Variants in SAXO1 observed in about 807,000 individuals in gnomAD.
SAXO1 encodes the protein 4930500O09Rik.
In SAXO1, 21 loss-of-function variants were observed where a neutral mutation model predicts 17.5. The ratio of observed to expected loss-of-function variants is 1.20; its 90% CI spans 0.85 to 1.72. The LOEUF (loss-of-function observed/expected upper bound fraction) is 1.72. Ranked by LOEUF, SAXO1 falls within the 40% of genes most tolerant of loss-of-function variation. SAXO1 has a pLI of 0.00. For synonymous variants in SAXO1, 274 were observed against 216.5 expected (o/e 1.27, Z -2.33); for missense variants, 843 against 596.0 (o/e 1.41, Z -4.32).
At chr9:19,026,937 G>A in intron 1 of SAXO1, 1 of 847,068 alleles carries the variant, frequency 1.2e-6, no homozygotes, top group South Asian at 1.3e-5. Flanking sequence ...AACTGGGGTG[G>A]AGGTGCTCAA....
At chr9:18,965,603 A>G (rs758883379) in intron 1 of SAXO1, among the ~76,000 whole-genome samples, 2 of 150,678 alleles carry the variant, frequency 1.3e-5, no homozygotes, top group African/African-American at 2.5e-5. Flanking sequence ...TGCTTGGTAT[A>G]TCTTCCTCCG....
chr9:19,021,780 C>A (rs538380370), intron 1 of SAXO1, among the ~76,000 whole-genome samples: 15 of 151,894 alleles, frequency 9.9e-5, no homozygotes, highest in African/African-American at 3.4e-4. Context: ...TAAAACTGCA[C>A]CAGTCAGCAA....
chr9:18,945,162 C>A (rs1266894944), intron 2 of SAXO1, among the ~76,000 whole-genome samples: 4 of 152,182 alleles, frequency 2.6e-5, no homozygotes, highest in African/African-American at 9.7e-5. Flanking sequence ...CTTCTGTCTT[C>A]CAGAAAGTGT....
Position 19,020,022 on chromosome 9 carries a change from T to TAA in SAXO1, c.38+12847_38+12848dup, listed in dbSNP as rs368560199. 2.1e-3 allele frequency among the ~76,000 whole-genome samples: 300 copies of TAA among 141,356 alleles called. 3 individuals are homozygous for TAA. The highest frequency in any genetic ancestry group is 9.8e-3 in the South Asian group (42 of 4,306). The allele number at this position is 141,356 out of a possible 152,430, so 92.7% of individuals were successfully genotyped here. A position where few individuals can be genotyped will look rare whatever the true frequency, so the allele number is the denominator to read the frequency against. On this transcript the variant is annotated intron_variant, in intron 1 of 3. Transcript: ENST00000380534. ...CATCCTGGTCACCAGCAGGTATTAT[T>TAA]AAAAAAAAAAAAAAAAGTGTCCACG...
intron 1 of SAXO1, among the ~76,000 whole-genome samples, chr9:18,988,493 T>C (rs1432766620): frequency 6.6e-6 from 1 of 152,206 alleles, no homozygotes; most frequent in African/African-American, 2.4e-5. Flanking sequence ...TGTTAAGCTA[T>C]ATGCACAAGG....
intron 1 of SAXO1, among the ~76,000 whole-genome samples, chr9:18,957,106 T>G (rs1054780552): frequency 6.6e-6 from 1 of 152,224 alleles, no homozygotes; most frequent in African/African-American, 2.4e-5. Context: ...ATAGTATGTC[T>G]GCCCTTCCAA....
At chr9:19,020,597 G>T (rs1434018811) in intron 1 of SAXO1, among the ~76,000 whole-genome samples, 1 of 152,120 alleles carries the variant, frequency 6.6e-6, no homozygotes, top group Non-Finnish European at 1.5e-5. Flanking sequence ...GGGCTCAAGT[G>T]ATTTGCCCAC....
At chr9:19,024,682 C>A (rs1311537481) in intron 1 of SAXO1, among the ~76,000 whole-genome samples, 1 of 152,082 alleles carries the variant, frequency 6.6e-6, no homozygotes, top group Non-Finnish European at 1.5e-5. Context: ...ACTTCTCCAT[C>A]CTAAAGCCTT....
At chr9:19,011,554 C>G (rs1426295380) in intron 1 of SAXO1, among the ~76,000 whole-genome samples, 1 of 152,142 alleles carries the variant, frequency 6.6e-6, no homozygotes, top group Non-Finnish European at 1.5e-5. Context: ...GGGCCCAAGG[C>G]TAAGTCAACA....
intron 1 of SAXO1, among the ~76,000 whole-genome samples, chr9:19,000,811 T>G (rs1834234691): frequency 6.6e-6 from 1 of 152,096 alleles, no homozygotes; most frequent in African/African-American, 2.4e-5. Context: ...AAACAGACTT[T>G]AAACCAACAA....
chr9:19,027,729 A>G, intron 1 of SAXO1: 1 of 1,432,626 alleles, frequency 7.0e-7, no homozygotes, highest in Non-Finnish European at 9.7e-7. Flanking sequence ...TTTGACAGCG[A>G]GAAGTCCGGG....
chr9:18,933,256 A>C (rs529297591), intron 3 of SAXO1, among the ~76,000 whole-genome samples: 127 of 152,298 alleles, frequency 8.3e-4, no homozygotes, highest in Non-Finnish European at 1.4e-3. Flanking sequence ...AACTTTGTCA[A>C]ATGCTTTCTA....
At position 18,928,879 on chromosome 9, in the gene SAXO1, G is replaced by C. The variant is rs757111310; in HGVS notation, c.598C>G (p.Pro200Ala). 1 of 1,614,122 alleles carries C rather than the reference G, an allele frequency of 6.2e-7. No homozygotes were observed. Among genetic ancestry groups the C allele is most frequent in the East Asian group, 2.2e-5 (1 of 44,864 alleles). The change falls in exon 4 of 4, where the codon CCC becomes GCC. Residue 200 changes from proline to alanine, a missense_variant. Coordinates refer to ENST00000380534, the MANE Select transcript of SAXO1 (RefSeq NM_153707.4). ...TTGTAGTTAGTCACATCCTCCAAGGGGATGTTACAGAGCTTTGGCATGGCC... is the reference window on the plus strand; with the variant it reads ...TTGTAGTTAGTCACATCCTCCAAGGCGATGTTACAGAGCTTTGGCATGGCC... ...PLAMPKLCNI[P>A]LEDVTNYKMS...
chr9:19,033,737 C>T (rs1835863113), upstream of SAXO1, among the ~76,000 whole-genome samples: 1 of 152,172 alleles, frequency 6.6e-6, no homozygotes, highest in African/African-American at 2.4e-5. Flanking sequence ...TTGAAGCAGG[C>T]GTTCTCAAAT....
intron 1 of SAXO1, among the ~76,000 whole-genome samples, chr9:19,006,002 G>T (rs375596276): frequency 1.3e-5 from 2 of 152,096 alleles, no homozygotes; most frequent in African/African-American, 2.4e-5. Context: ...TATACAAACG[G>T]CAAAAAGGAC....
chr9:18,964,644 C>T (rs1832641342), intron 1 of SAXO1, among the ~76,000 whole-genome samples: 1 of 152,118 alleles, frequency 6.6e-6, no homozygotes, highest in Non-Finnish European at 1.5e-5. Flanking sequence ...TTTGATTCTT[C>T]TCTCTTTTCT....
intron 1 of SAXO1, among the ~76,000 whole-genome samples, chr9:19,045,170 C>T (rs538114314): frequency 6.8e-6 from 1 of 147,504 alleles, no homozygotes; most frequent in African/African-American, 2.5e-5. Flanking sequence ...ATTAGCCGGG[C>T]GCGGTGGCGG....
At chr9:19,042,923 G>A (rs577952300) in intron 1 of SAXO1, among the ~76,000 whole-genome samples, 10 of 152,236 alleles carry the variant, frequency 6.6e-5, no homozygotes, top group African/African-American at 1.2e-4. Flanking sequence ...TATAATACCC[G>A]CACTTTGTGA....
intron 1 of SAXO1, among the ~76,000 whole-genome samples, chr9:18,953,455 C>A (rs1832120159): frequency 6.6e-6 from 1 of 152,238 alleles, no homozygotes. Context: ...TATCCAGACA[C>A]TGATGTTCCA....
Sources: allele counts gnomAD v4.1 joint callset (sites outside exome capture counted in the v4.1 genomes callset), GRCh38; gene constraint gnomAD v4.1.1; transcripts MANE v1.5; gene names NCBI Gene and HGNC (gene_info 2026-07-23, HGNC 2026-07-21).